Variants in MAPK10 observed in about 807,000 individuals in gnomAD.
MAPK10 encodes mitogen-activated protein kinase 10, also known as JNK3 alpha protein kinase.
A neutral mutation model predicts 59.3 loss-of-function variants in MAPK10; 25 were observed. The observed-to-expected ratio is 0.42, with a 90% CI of 0.31 to 0.59. The LOEUF is 0.59. Among genes scored for constraint, MAPK10 ranks in the 20% least tolerant of loss-of-function variants. The pLI is 0.15. For missense variants in MAPK10, 351 were observed against 568.9 expected (o/e 0.62, Z 3.90); for synonymous variants, 190 against 200.5 (o/e 0.95, Z 0.44).
chr4:86,573,441 A>G (rs1043486776), intron 1 of MAPK10, among the ~76,000 whole-genome samples: 6 of 152,248 alleles, frequency 3.9e-5, no homozygotes, highest in African/African-American at 1.2e-4. Flanking sequence ...TTTCTGTACT[A>G]TCTTTATCTA....
intron 11 of MAPK10, among the ~76,000 whole-genome samples, chr4:86,034,897 G>GGGT (rs921655726): frequency 4.6e-5 from 7 of 151,996 alleles, no homozygotes; most frequent in East Asian, 3.9e-4. Flanking sequence ...AACAGAATAG[G>GGGT]GGTGGTGGTG....
At chr4:86,541,802 GT>G (rs1176631743) in intron 1 of MAPK10, among the ~76,000 whole-genome samples, 1 of 152,098 alleles carries the variant, frequency 6.6e-6, no homozygotes, top group Non-Finnish European at 1.5e-5. Flanking sequence ...AAGCCTGGGT[GT>G]TTTTTATTCT....
rs534438390 is a variant in MAPK10, at chr4:86,149,058, G to A, written c.236+10240C>T. ...TCAACCACCAGCCAATAATATTCAT[G>A]ACATATGTGCTAGATTCATTCCATT... is the stretch of plus-strand genomic sequence containing the variant. On this transcript the variant is annotated intron_variant, in intron 4 of 13. Transcript: ENST00000641462. Among the ~76,000 whole-genome samples, 20 of 152,286 alleles carry A rather than the reference G, an allele frequency of 1.3e-4. No individual in the cohort carries two copies. In the South Asian group the frequency reaches 4.1e-3, roughly 32 times the overall value.
intron 3 of MAPK10, chr4:86,164,687 C>T (rs887712619): frequency 6.6e-6 from 1 of 151,956 alleles, no homozygotes; most frequent in East Asian, 1.9e-4. Context: ...AAAGTTGAAC[C>T]AGTATTATTG....
intron 2 of MAPK10, among the ~76,000 whole-genome samples, chr4:86,292,632 T>C (rs952328319): frequency 1.3e-5 from 2 of 152,182 alleles, no homozygotes; most frequent in Non-Finnish European, 2.9e-5. Flanking sequence ...AGAGAGAGTA[T>C]TGTTTGAGTC....
intron 1 of MAPK10, among the ~76,000 whole-genome samples, chr4:86,372,565 A>G (rs1738992866): frequency 1.0e-4 from 1 of 9,736 alleles, no homozygotes; most frequent in Non-Finnish European, 4.2e-4. Flanking sequence ...AGAAAGAAAG[A>G]AAGAAAAGAA....
intron 1 of MAPK10, among the ~76,000 whole-genome samples, chr4:86,556,409 A>G (rs1760272661): frequency 6.6e-6 from 1 of 152,174 alleles, no homozygotes; most frequent in Admixed American, 6.5e-5. Context: ...AGATATCATA[A>G]TAAGCCTTAC....
At chr4:86,492,694 T>C (rs975490441) in intron 1 of MAPK10, among the ~76,000 whole-genome samples, 2 of 152,242 alleles carry the variant, frequency 1.3e-5, no homozygotes, top group African/African-American at 4.8e-5. Context: ...AATAACGGTA[T>C]ATGTTCTCCT....
At chr4:86,460,332 G>C (rs1484532887) in intron 1 of MAPK10, among the ~76,000 whole-genome samples, 7 of 152,170 alleles carry the variant, frequency 4.6e-5, no homozygotes, top group Non-Finnish European at 2.9e-5. Context: ...CCTTGGTTCT[G>C]GAAGGCAGGG....
At chr4:86,117,447 T>C (rs774612635) in intron 4 of MAPK10, 4 of 152,218 alleles carry the variant, frequency 2.6e-5, no homozygotes, top group Non-Finnish European at 4.4e-5. Context: ...AGGAGGTGTC[T>C]CTTATAAGCT....
chr4:86,196,085 G>A (rs2081243910), intron 2 of MAPK10, among the ~76,000 whole-genome samples: 1 of 152,166 alleles, frequency 6.6e-6, no homozygotes, highest in South Asian at 2.1e-4. Context: ...TATATACCCA[G>A]TAATGGGATT....
chr4:86,198,267 G>A (rs2081848304), intron 2 of MAPK10, among the ~76,000 whole-genome samples: 2 of 152,078 alleles, frequency 1.3e-5, no homozygotes, highest in Admixed American at 6.6e-5. Flanking sequence ...GCAAAGGTCA[G>A]GCATGATTCC....
At chr4:86,085,841 C>T (rs1400420713) in intron 9 of MAPK10, among the ~76,000 whole-genome samples, 3 of 152,158 alleles carry the variant, frequency 2.0e-5, no homozygotes, top group Non-Finnish European at 2.9e-5. Context: ...TGGAAGCAAC[C>T]TAAGCATCCA....
intron 1 of MAPK10, among the ~76,000 whole-genome samples, chr4:86,525,200 G>C (rs1341034924): frequency 1.3e-5 from 2 of 152,154 alleles, no homozygotes; most frequent in Non-Finnish European, 2.9e-5. Flanking sequence ...GGGAGGCTGA[G>C]GTGGGAGGGT....
chr4:86,176,845 T>C (rs1446965519), intron 3 of MAPK10, among the ~76,000 whole-genome samples: 1 of 152,068 alleles, frequency 6.6e-6, no homozygotes, highest in Non-Finnish European at 1.5e-5. Flanking sequence ...ACAAGATATA[T>C]CACATTTTTA....
At chr4:86,263,206 T>C (rs2094084970) in intron 2 of MAPK10, among the ~76,000 whole-genome samples, 2 of 152,252 alleles carry the variant, frequency 1.3e-5, no homozygotes, top group South Asian at 4.1e-4. Flanking sequence ...TACTTCTCTA[T>C]ATCCTGTCCA....
At chr4:86,494,888 A>T (rs1405448690) in intron 1 of MAPK10, among the ~76,000 whole-genome samples, 1 of 139,190 alleles carries the variant, frequency 7.2e-6, no homozygotes, top group Non-Finnish European at 1.5e-5. Context: ...AAAGCTTCAC[A>T]TATTTTATGT....
At chr4:86,369,841 A>G (rs1020141407) in intron 1 of MAPK10, among the ~76,000 whole-genome samples, 1 of 152,220 alleles carries the variant, frequency 6.6e-6, no homozygotes, top group Non-Finnish European at 1.5e-5. Flanking sequence ...AGAAATATGT[A>G]TAGGCCAGTC....
chr4:86,210,830 G>A (rs1478295971), intron 2 of MAPK10, among the ~76,000 whole-genome samples: 1 of 150,358 alleles, frequency 6.7e-6, no homozygotes, highest in Non-Finnish European at 1.5e-5. Context: ...ACTGAAGGAA[G>A]ACATGCAAAA....
Sources: gnomAD v4.1 joint callset for allele counts (sites outside exome capture counted in the v4.1 genomes callset) on GRCh38, gnomAD v4.1.1 for gene constraint, MANE v1.5 for transcripts, NCBI Gene and HGNC (gene_info 2026-07-23, HGNC 2026-07-21) for gene names.